ZYG11B: variants seen among roughly 807,000 people sequenced by gnomAD.
ZYG11B encodes the protein zyg-11 family member B, cell cycle regulator.
ZYG11B carries 36 observed loss-of-function variants against 82.4 expected under a neutral mutation model. The ratio of observed to expected loss-of-function variants is 0.44; its 90% CI spans 0.33 to 0.58. The LOEUF (loss-of-function observed/expected upper bound fraction) is 0.58, where lower values mean the gene tolerates loss of function less well. Among genes scored for constraint, ZYG11B ranks in the 20% least tolerant of loss-of-function variants. The probability of loss-of-function intolerance (pLI) is 0.02; values close to 1 mark genes in which losing one functional copy is unlikely to be tolerated. For missense variants in ZYG11B, 552 were observed against 895.6 expected, an observed-to-expected ratio of 0.62 and a Z score of 4.90; for synonymous variants, 303 against 312.8, an observed-to-expected ratio of 0.97 and a Z score of 0.33.
chr1:52,786,877 G>A (rs1236491490), intron 5 of ZYG11B, among the ~76,000 whole-genome samples: 1 of 152,166 alleles, frequency 6.6e-6, no homozygotes, highest in African/African-American at 2.4e-5. Context: ...TATCACATGA[G>A]GTCAGGAGTT....
chr1:52,763,256 A>C (rs1367544075), intron 2 of ZYG11B, among the ~76,000 whole-genome samples: 1 of 152,104 alleles, frequency 6.6e-6, no homozygotes, highest in African/African-American at 2.4e-5. Flanking sequence ...TTCCTTTTGC[A>C]TAGGATTGCT....
At chr1:52,772,681 T>C (rs1342032759) in intron 3 of ZYG11B, 2 of 746,348 alleles carry the variant, frequency 2.7e-6, no homozygotes, top group Admixed American at 2.1e-5. Flanking sequence ...AAGGCTTGTT[T>C]TTTTTTTTTC....
chr1:52,726,803 T>G, intron 1 of ZYG11B, 120 bp downstream of exon 1: 4 of 993,790 alleles, frequency 4.0e-6, no homozygotes, highest in Non-Finnish European at 5.4e-6. Context: ...TCCCTGCCTT[T>G]ACCTCTCTCC....
intron 1 of ZYG11B, among the ~76,000 whole-genome samples, chr1:52,756,215 G>C (rs1644575465): frequency 6.6e-6 from 1 of 152,134 alleles, no homozygotes; most frequent in Non-Finnish European, 1.5e-5. Flanking sequence ...TTAATACCCA[G>C]TGTGTCCTCT....
intron 3 of ZYG11B, among the ~76,000 whole-genome samples, chr1:52,776,473 G>T (rs953691940): frequency 2.0e-5 from 3 of 148,456 alleles, no homozygotes; most frequent in African/African-American, 7.5e-5. Flanking sequence ...GGTGGAGGTT[G>T]CAGTGAGCCA....
chr1:52,809,336 C>G (rs756689754), intron 10 of ZYG11B, among the ~76,000 whole-genome samples: 1 of 152,110 alleles, frequency 6.6e-6, no homozygotes, highest in East Asian at 1.9e-4. Context: ...TCCATTCCCC[C>G]ATTCTGCAGG....
chr1:52,814,670 A>C (rs183325910), intron 12 of ZYG11B, among the ~76,000 whole-genome samples: 1 of 151,800 alleles, frequency 6.6e-6, no homozygotes, highest in East Asian at 1.9e-4. Flanking sequence ...ACTGCATTCC[A>C]GCCTGAGTGA....
rs1243369449 is a variant in ZYG11B, at chr1:52,826,230, A to G, written c.*4601A>G. The G allele has an allele frequency of 6.6e-6, 1 of 152,202 alleles. No homozygotes were observed. The highest frequency in any genetic ancestry group is 1.5e-5 in the Non-Finnish European group (1 of 68,034). The allele number at this position is 152,202 out of a possible 1,614,324, so 9.4% of individuals were successfully genotyped here. On this transcript the variant is annotated 3_prime_UTR_variant, in exon 14 of 14. Coordinates refer to ENST00000294353, the MANE Select transcript of ZYG11B (RefSeq NM_024646.3). ...GGACTTTGTATTGCTAGGGCTTCAG[A>G]ATACTAACTTTGACACAGCTCCCAG...
At chr1:52,781,991 A>G (rs543988487) in intron 4 of ZYG11B, among the ~76,000 whole-genome samples, 1 of 152,002 alleles carries the variant, frequency 6.6e-6, no homozygotes, top group East Asian at 1.9e-4. Flanking sequence ...TCTAGTCTTG[A>G]TCTGAAATAT....
At chr1:52,803,958 G>C (rs1167535070) in intron 10 of ZYG11B, among the ~76,000 whole-genome samples, 1 of 151,750 alleles carries the variant, frequency 6.6e-6, no homozygotes, top group African/African-American at 2.4e-5. Context: ...AATGTTATCA[G>C]ACTGGACACA....
intron 2 of ZYG11B, among the ~76,000 whole-genome samples, chr1:52,768,637 C>G (rs1644719894): frequency 6.6e-6 from 1 of 151,264 alleles, no homozygotes; most frequent in South Asian, 2.1e-4. Context: ...CTCTGACGCC[C>G]AGGCTGGAGT....
At chr1:52,759,545 G>A (rs944325864) in intron 2 of ZYG11B, among the ~76,000 whole-genome samples, 1 of 152,144 alleles carries the variant, frequency 6.6e-6, no homozygotes, top group Non-Finnish European at 1.5e-5. Context: ...TTCAGATGAG[G>A]AAACTGAGGG....
In ZYG11B at chr1:52,756,599, CT is replaced by C; in HGVS notation, c.173del (p.Leu58ArgfsTer11). ...GVFPQEVADR[L>X]LRTMAFHGLL... ...ATTCCCACAGGAGGTGGCTGATCGA[CT>C]GCTTCGGACCATGGCTTTTCATGGT... On this transcript the variant is annotated frameshift_variant, in exon 2 of 14. Coordinates refer to ENST00000294353, the MANE Select transcript of ZYG11B (RefSeq NM_024646.3). LOFTEE classifies it high-confidence loss of function. The C allele has an allele frequency of 6.2e-7, 1 of 1,610,188 alleles. No homozygotes were observed. Among genetic ancestry groups the C allele is most frequent in the Non-Finnish European group, 8.5e-7 (1 of 1,178,560 alleles).
intron 10 of ZYG11B, among the ~76,000 whole-genome samples, chr1:52,808,602 G>T (rs1264193297): frequency 6.6e-6 from 1 of 152,142 alleles, no homozygotes; most frequent in African/African-American, 2.4e-5. Flanking sequence ...CTGGCCTCAA[G>T]TGATTCTCTC....
Position 52,783,610 on chromosome 1 carries a change from CT to C in ZYG11B, c.1093-1250del, listed in dbSNP as rs1156857504. On this transcript the variant is annotated intron_variant, in intron 4 of 13. Transcript: ENST00000294353. The stretch of plus-strand genomic sequence containing the variant: ...CTGGTTGCTTCAGTTTTCTTTCTTT[CT>C]TTTTTTTTTTTTTTTTCTCTTTTCC... Among the ~76,000 whole-genome samples, 875 of 131,496 alleles carry C rather than the reference CT, an allele frequency of 6.7e-3. 4 individuals carry two copies. Among genetic ancestry groups the C allele is most frequent in the Non-Finnish European group, 9.0e-3 (547 of 60,730 alleles). The allele number at this position is 131,496 out of a possible 152,430, so 86.3% of individuals were successfully genotyped here.
chr1:52,736,869 G>A (rs1644382541), intron 1 of ZYG11B, among the ~76,000 whole-genome samples: 1 of 152,168 alleles, frequency 6.6e-6, no homozygotes, highest in Non-Finnish European at 1.5e-5. Context: ...GATTACAGGT[G>A]TGAGCCGCTG....
At chr1:52,776,576 C>T (rs1644812703) in intron 3 of ZYG11B, among the ~76,000 whole-genome samples, 2 of 150,438 alleles carry the variant, frequency 1.3e-5, no homozygotes, top group African/African-American at 4.9e-5. Flanking sequence ...TTTAACATTC[C>T]AGTAACAAGA....
intron 1 of ZYG11B, among the ~76,000 whole-genome samples, chr1:52,741,460 C>G (rs1241089777): frequency 6.6e-6 from 1 of 152,094 alleles, no homozygotes; most frequent in Admixed American, 6.6e-5. Context: ...GAGTGCCTTT[C>G]AGTTTCATTT....
Position 52,826,887 on chromosome 1 carries a change from A to T in ZYG11B, c.*5258A>T, listed in dbSNP as rs1645329788. ...GGGTCCTTTTAAGCTTATTTTAAGC[A>T]GCCTAGAAGGAAGAAGCTACTTAGC... On this transcript the variant is annotated 3_prime_UTR_variant, in exon 14 of 14. Coordinates refer to ENST00000294353, the MANE Select transcript of ZYG11B (RefSeq NM_024646.3). 6.6e-6 allele frequency: 1 copy of T among 152,230 alleles called. No homozygotes were observed. Among genetic ancestry groups the T allele is most frequent in the South Asian group, 2.1e-4 (1 of 4,838 alleles). The allele number at this position is 152,230 out of a possible 1,614,324, so 9.4% of individuals were successfully genotyped here. A position where few individuals can be genotyped will look rare whatever the true frequency, so the allele number is the denominator to read the frequency against.
Sources: allele counts gnomAD v4.1 joint callset (sites outside exome capture counted in the v4.1 genomes callset), GRCh38; gene constraint gnomAD v4.1.1; transcripts MANE v1.5; gene names NCBI Gene and HGNC (gene_info 2026-07-23, HGNC 2026-07-21).